The following ITPR1 variants were observed in gnomAD, a reference collection of about 807,000 sequenced individuals.
ITPR1 encodes inositol 1,4,5-trisphosphate receptor type 1.
ITPR1 carries 96 observed loss-of-function variants against 318.4 expected under a neutral mutation model. The ratio of observed to expected loss-of-function variants is 0.30; its 90% CI spans 0.26 to 0.36. ITPR1 has a LOEUF of 0.36. ITPR1 is among the 10% of genes least tolerant of loss of function. The pLI, the probability that ITPR1 is intolerant of heterozygous loss-of-function variation, is 1.00. For missense variants in ITPR1, 2,440 were observed against 3,460.2 expected (o/e 0.71, Z 7.40); for synonymous variants, 1,312 against 1,289.9 (o/e 1.02, Z -0.37).
rs143850104 is a variant in ITPR1 at position 4,732,929 on chromosome 3, G to A, written c.5221-159G>A. Among the ~76,000 whole-genome samples, 230 of 152,356 alleles carry A rather than the reference G, an allele frequency of 1.5e-3. 1 individual carries two copies. Among genetic ancestry groups the A allele is most frequent in the African/African-American group, 5.1e-3 (212 of 41,584 alleles). On this transcript the variant is annotated intron_variant, in intron 42 of 61. Coordinates refer to ENST00000649015, the MANE Select transcript of ITPR1 (RefSeq NM_001378452.1). ...TCTGGTTTTCTGAGAAAATATTGAAGTTAACTTCAGAGTTTCTAAATGCTT... is the reference window on the plus strand; with the variant it reads ...TCTGGTTTTCTGAGAAAATATTGAAATTAACTTCAGAGTTTCTAAATGCTT...
intron 40 of ITPR1, among the ~76,000 whole-genome samples, chr3:4,724,969 C>T (rs959314571): frequency 6.6e-6 from 1 of 152,098 alleles, no homozygotes; most frequent in Admixed American, 6.5e-5. Context: ...TTGTTTCTCC[C>T]AGAGACACTG....
At chr3:4,626,204 G>T (rs1203391219) in intron 4 of ITPR1, among the ~76,000 whole-genome samples, 1 of 152,056 alleles carries the variant, frequency 6.6e-6, no homozygotes, top group Non-Finnish European at 1.5e-5. Flanking sequence ...GTGTGTGTGT[G>T]TGTGTATTTT....
rs56382555 is a variant in ITPR1, at chr3:4,512,854, T to G, written c.-16-3622T>G. Among the ~76,000 whole-genome samples, 1,044 of 152,072 alleles carry G rather than the reference T, an allele frequency of 6.9e-3. 6 individuals carry two copies. Among genetic ancestry groups the G allele is most frequent in the Middle Eastern group, 0.027 (8 of 292 alleles). On this transcript the variant is annotated intron_variant, in intron 2 of 61. Coordinates refer to ENST00000649015, the MANE Select transcript of ITPR1 (RefSeq NM_001378452.1). ...CTCCTAATAACAAGCTAGATGATAA[T>G]AATAATAATAAGAGCTTAGGGGCAG... is the stretch of plus-strand genomic sequence containing the variant.
At chr3:4,758,532 T>C (rs2045189909) in intron 44 of ITPR1, among the ~76,000 whole-genome samples, 2 of 152,210 alleles carry the variant, frequency 1.3e-5, no homozygotes, top group Non-Finnish European at 2.9e-5. Context: ...GCAAGGCCTG[T>C]CTTTTCCCCT....
intron 4 of ITPR1, among the ~76,000 whole-genome samples, chr3:4,567,637 A>T (rs2087474984): frequency 6.6e-6 from 1 of 151,450 alleles, no homozygotes; most frequent in South Asian, 2.1e-4. Context: ...ACGGGGTCTT[A>T]CTCTGCCACC....
chr3:4,813,347 G>A, intron 57 of ITPR1, 113 bp downstream of exon 57: 1 of 699,180 alleles, frequency 1.4e-6, no homozygotes, highest in Non-Finnish European at 2.4e-6. Flanking sequence ...TAAGGCTATA[G>A]CAAAGGGGAA....
intron 11 of ITPR1, among the ~76,000 whole-genome samples, chr3:4,652,896 G>T (rs968846268): frequency 6.6e-6 from 1 of 152,120 alleles, no homozygotes; most frequent in Non-Finnish European, 1.5e-5. Flanking sequence ...GGTGAAGCAG[G>T]AGAATCGCTT....
At chr3:4,578,033 G>A (rs775405329) in intron 4 of ITPR1, among the ~76,000 whole-genome samples, 21 of 152,334 alleles carry the variant, frequency 1.4e-4, no homozygotes, top group Non-Finnish European at 2.5e-4. Context: ...CAGTGAAACT[G>A]TGCATTCTAT....
chr3:4,710,443 G>T lies in ITPR1; in HGVS notation c.4961G>T (p.Arg1654Met), dbSNP rs1289172240. The change falls in exon 38 of 62, where the codon AGG becomes ATG. Residue 1654 changes from arginine (R) to methionine (M), a missense_variant. By Grantham distance (91) the Arg-to-Met change is moderately conservative. Coordinates refer to ENST00000649015, the MANE Select transcript of ITPR1 (RefSeq NM_001378452.1). This position sits in a 1 kb window ranked among gnomAD's most constrained non-coding sequence, Gnocchi z 4.2. The stretch of plus-strand genomic sequence containing the variant: ...TTCCCAGAGAACACAGACGCCAGAA[G>T]GAAATGTGAAAGTGGCGGTTTCATT... Reference protein sequence around the residue: ...LLFPENTDARRKCESGGFICK... With the variant: ...LLFPENTDARMKCESGGFICK... 1 of 1,554,190 alleles carries T rather than the reference G, an allele frequency of 6.4e-7. No homozygotes were observed. Among genetic ancestry groups the T allele is most frequent in the Non-Finnish European group, 8.7e-7 (1 of 1,148,194 alleles).
chr3:4,503,451 T>C (rs1009630132), intron 2 of ITPR1, among the ~76,000 whole-genome samples: 2 of 152,192 alleles, frequency 1.3e-5, no homozygotes, highest in African/African-American at 2.4e-5. Flanking sequence ...TGCCGAGTTG[T>C]CTAAAAACAA....
intron 52 of ITPR1, among the ~76,000 whole-genome samples, chr3:4,789,680 C>T (rs552572025): frequency 1.1e-4 from 16 of 152,214 alleles, no homozygotes; most frequent in East Asian, 5.8e-4. Flanking sequence ...AGTGCAGTGG[C>T]GCGATCTCGG....
At chr3:4,769,527 G>A (rs1339574164) in intron 46 of ITPR1, among the ~76,000 whole-genome samples, 1 of 152,236 alleles carries the variant, frequency 6.6e-6, no homozygotes, top group Non-Finnish European at 1.5e-5. Flanking sequence ...GTGATTTACA[G>A]AAAGAGGTGC....
chr3:4,734,162 G>A (rs2043118690), intron 43 of ITPR1, among the ~76,000 whole-genome samples: 1 of 152,226 alleles, frequency 6.6e-6, no homozygotes, highest in African/African-American at 2.4e-5. Flanking sequence ...AGTTCTCAAG[G>A]CATCCTAGAG....
At chr3:4,580,142 G>T (rs555539528) in intron 4 of ITPR1, among the ~76,000 whole-genome samples, 2 of 151,992 alleles carry the variant, frequency 1.3e-5, no homozygotes, top group South Asian at 2.1e-4. Flanking sequence ...CCCGGGAGGC[G>T]GAGCTTGCAG....
chr3:4,633,919 G>C (rs1191573803), intron 5 of ITPR1, among the ~76,000 whole-genome samples: 1 of 152,180 alleles, frequency 6.6e-6, no homozygotes, highest in Non-Finnish European at 1.5e-5. Context: ...ACATGATTCA[G>C]AGCTTGTTGA....
chr3:4,727,788 C>T (rs541424536), intron 42 of ITPR1, among the ~76,000 whole-genome samples: 8 of 152,204 alleles, frequency 5.3e-5, no homozygotes, highest in Admixed American at 1.3e-4. Context: ...GTTTCCCAGG[C>T]GGGTCTCAGA....
At position 4,721,172 on chromosome 3, in the gene ITPR1, G is replaced by GTATATATA. The variant is rs5846332; in HGVS notation, c.5136+3797_5136+3804dup. Among the ~76,000 whole-genome samples, 202 of 125,046 alleles carry GTATATATA rather than the reference G, an allele frequency of 1.6e-3. 5 individuals are homozygous for GTATATATA. The highest frequency in any genetic ancestry group is 3.7e-3 in the African/African-American group (101 of 27,562). The allele number at this position is 125,046 out of a possible 152,430, so 82.0% of individuals were successfully genotyped here. On this transcript the variant is annotated intron_variant, in intron 40 of 61. Coordinates refer to ENST00000649015, the MANE Select transcript of ITPR1 (RefSeq NM_001378452.1). ...TGTGTGTAGATACGTGTGTGTGCGT[G>GTATATATA]TATATATATATATATATATATATAT...
At chr3:4,725,677 T>G (rs2042463874) in intron 41 of ITPR1, 96 bp downstream of exon 41, 1 of 1,099,704 alleles carries the variant, frequency 9.1e-7, no homozygotes, top group African/African-American at 1.5e-5. Flanking sequence ...TAACAAAAAG[T>G]CTCTCCCGGT....
intron 4 of ITPR1, among the ~76,000 whole-genome samples, chr3:4,582,187 A>C (rs2089419591): frequency 6.6e-6 from 1 of 152,184 alleles, no homozygotes. Flanking sequence ...CTCTGAGCTC[A>C]GAGGTTAGAT....
Sources: allele counts gnomAD v4.1 joint callset (sites outside exome capture counted in the v4.1 genomes callset), GRCh38; gene constraint gnomAD v4.1.1; non-coding constraint Gnocchi (gnomAD v3.1); transcripts MANE v1.5; gene names NCBI Gene and HGNC (gene_info 2026-07-23, HGNC 2026-07-21).